AP4S1: variants seen among roughly 807,000 people sequenced by gnomAD.
The protein encoded by AP4S1 is AP-4 complex subunit sigma-1.
In AP4S1, 23 loss-of-function variants were observed where a neutral mutation model predicts 19.8. That is an observed-to-expected ratio of 1.16 (90% confidence interval 0.84 to 1.65). AP4S1 has a LOEUF of 1.65. AP4S1 is among the 40% of genes most tolerant of loss of function. AP4S1 has a pLI of 0.00. For missense variants in AP4S1, 166 were observed against 172.8 expected (o/e 0.96, Z 0.22); for synonymous variants, 46 against 54.1 (o/e 0.85, Z 0.66).
At chr14:31,026,772 C>T (rs1007261076) in intron 1 of AP4S1, 2 of 152,444 alleles carry the variant, frequency 1.3e-5, no homozygotes, top group East Asian at 1.9e-4. Context: ...GGTCTCTCAC[C>T]CGTGTCCCGG....
At position 31,026,231 on chromosome 14, in the gene AP4S1, T is replaced by TG. The variant is rs1339758028; in HGVS notation, c.-72+449dup. ...GGGCGCAGGGCGAGACGCCGACAGC[T>TG]GGGGGAAGGGCCGGAGAGGGTGGCC... On this transcript the variant is annotated intron_variant, in intron 1 of 5. Transcript: ENST00000542754. 72 of 1,374,060 alleles carry TG rather than the reference T, an allele frequency of 5.2e-5. 1 individual carries two copies. In the Admixed American group the frequency reaches 2.5e-3, roughly 47 times the overall value. The allele number at this position is 1,374,060 out of a possible 1,614,324, so 85.1% of individuals were successfully genotyped here.
At chr14:31,054,890 A>C (rs996079909) in intron 1 of AP4S1, among the ~76,000 whole-genome samples, 4 of 148,308 alleles carry the variant, frequency 2.7e-5, no homozygotes, top group East Asian at 1.9e-4. Flanking sequence ...AAAAAAAAAA[A>C]AAAAAACAGT....
intron 1 of AP4S1, among the ~76,000 whole-genome samples, chr14:31,055,265 ATATAGAC>A (rs768295429): frequency 6.6e-6 from 1 of 152,158 alleles, no homozygotes; most frequent in Admixed American, 6.6e-5. Flanking sequence ...AATGGTTATT[ATATAGAC>A]TACAGACAGG....
At chr14:31,083,940 G>T (rs562445654) in intron 5 of AP4S1, among the ~76,000 whole-genome samples, 1 of 152,306 alleles carries the variant, frequency 6.6e-6, no homozygotes, top group South Asian at 2.1e-4. Context: ...TCTTGTCGAA[G>T]CTCAGCTGCA....
intron 5 of AP4S1, among the ~76,000 whole-genome samples, chr14:31,088,609 A>T (rs1029362573): frequency 3.3e-5 from 5 of 151,888 alleles, no homozygotes; most frequent in Non-Finnish European, 7.4e-5. Flanking sequence ...GGAGTTCGAG[A>T]CCAGCCTGGC....
At chr14:31,049,965 A>G (rs972841352) in intron 1 of AP4S1, among the ~76,000 whole-genome samples, 5 of 152,108 alleles carry the variant, frequency 3.3e-5, no homozygotes, top group African/African-American at 9.7e-5. Flanking sequence ...TCTGTCGCCT[A>G]GACTGGAGTG....
intron 1 of AP4S1, among the ~76,000 whole-genome samples, chr14:31,042,954 C>G (rs1019841628): frequency 6.6e-6 from 1 of 152,142 alleles, no homozygotes. Flanking sequence ...TGGCTCATGC[C>G]TGTAACCTGT....
chr14:31,066,723 G>T (rs528926616), intron 2 of AP4S1, among the ~76,000 whole-genome samples: 1 of 152,238 alleles, frequency 6.6e-6, no homozygotes, highest in Admixed American at 6.5e-5. Context: ...AAGATCAGAT[G>T]ATTGGTGTAG....
chr14:31,084,877 T>G, intron 5 of AP4S1: 1 of 1,614,226 alleles, frequency 6.2e-7, no homozygotes, highest in Non-Finnish European at 8.5e-7. Flanking sequence ...CACCCCCATC[T>G]ACTGAATAGC....
At chr14:31,088,025 G>A (rs773481329) in intron 5 of AP4S1, among the ~76,000 whole-genome samples, 4 of 152,228 alleles carry the variant, frequency 2.6e-5, no homozygotes, top group East Asian at 1.9e-4. Context: ...ATTGAGAGAC[G>A]AGGGACCCAG....
intron 1 of AP4S1, among the ~76,000 whole-genome samples, chr14:31,043,120 C>T (rs1465240662): frequency 6.6e-6 from 1 of 151,904 alleles, no homozygotes; most frequent in African/African-American, 2.4e-5. Context: ...ACTCGGGAAA[C>T]TGAGGCGGGA....
intron 1 of AP4S1, among the ~76,000 whole-genome samples, chr14:31,038,582 C>T (rs919029965): frequency 2.0e-5 from 3 of 152,178 alleles, no homozygotes; most frequent in African/African-American, 7.2e-5. Context: ...AGTCTTGAGG[C>T]AAACCCAGAG....
At chr14:31,029,889 G>C (rs1446079547) in intron 1 of AP4S1, among the ~76,000 whole-genome samples, 1 of 148,850 alleles carries the variant, frequency 6.7e-6, no homozygotes, top group Middle Eastern at 3.5e-3. Context: ...GCATTATTTT[G>C]TCCAAGAAGC....
intron 5 of AP4S1, chr14:31,083,733 C>T (rs1416504815): frequency 2.9e-6 from 1 of 342,794 alleles, no homozygotes; most frequent in Admixed American, 3.8e-5. Context: ...TGGTCTCAAA[C>T]TTCTGGGCTC....
intron 2 of AP4S1, among the ~76,000 whole-genome samples, chr14:31,067,931 C>T (rs150101242): frequency 6.6e-6 from 1 of 151,996 alleles, no homozygotes; most frequent in Non-Finnish European, 1.5e-5. Flanking sequence ...TGCAACGGCA[C>T]GATCTTGGCT....
chr14:31,087,159 C>T (rs1887943131), intron 5 of AP4S1, among the ~76,000 whole-genome samples: 1 of 152,158 alleles, frequency 6.6e-6, no homozygotes, highest in South Asian at 2.1e-4. Flanking sequence ...ACCTTGGCCT[C>T]CCATAGGGCT....
At chr14:31,044,389 T>C (rs994934938) in intron 1 of AP4S1, among the ~76,000 whole-genome samples, 4 of 152,102 alleles carry the variant, frequency 2.6e-5, no homozygotes, top group African/African-American at 9.7e-5. Flanking sequence ...CTGCCCAAAC[T>C]AGAGTATTGT....
intron 4 of AP4S1, among the ~76,000 whole-genome samples, chr14:31,078,248 A>G (rs183191664): frequency 6.6e-6 from 1 of 152,314 alleles, no homozygotes; most frequent in Admixed American, 6.5e-5. Flanking sequence ...AGCACCATAG[A>G]CCAGCACTGT....
chr14:31,043,057 C>T (rs1200796894), intron 1 of AP4S1, among the ~76,000 whole-genome samples: 1 of 151,998 alleles, frequency 6.6e-6, no homozygotes. Context: ...CCTGTCTCTA[C>T]TAAAAATGCA....
Sources: allele counts gnomAD v4.1 joint callset (sites outside exome capture counted in the v4.1 genomes callset), GRCh38; gene constraint gnomAD v4.1.1; transcripts MANE v1.5; gene names NCBI Gene and HGNC (gene_info 2026-07-23, HGNC 2026-07-21).